The following ZNF12 variants were observed in gnomAD, a reference collection of about 807,000 sequenced individuals.
The protein encoded by ZNF12 is gonadotropin inducible transcription repressor 3.
Under a neutral mutation model 66.6 loss-of-function variants are expected in ZNF12, and 34 were observed. The ratio of observed to expected loss-of-function variants is 0.51; its 90% confidence interval spans 0.39 to 0.68. The LOEUF (loss-of-function observed/expected upper bound fraction) is 0.68, where lower values mean the gene tolerates loss of function less well. Ranked by LOEUF, ZNF12 falls within the 30% of genes least tolerant of loss-of-function variation. ZNF12 has a pLI of 0.00. For synonymous variants in ZNF12, 320 were observed against 278.9 expected, an observed-to-expected ratio of 1.15 and a Z score of -1.47; for missense variants, 697 against 826.9, an observed-to-expected ratio of 0.84 and a Z score of 1.93.
chr7:6,698,219 C>G lies in ZNF12; in HGVS notation c.16-408G>C, dbSNP rs1780182351. On this transcript the variant is annotated intron_variant, in intron 2 of 4. Coordinates refer to ENST00000405858, the MANE Select transcript of ZNF12 (RefSeq NM_016265.4). This position sits in a 1 kb window ranked among gnomAD's most constrained non-coding sequence, Gnocchi z 4.4. ...GGTTCTCTTCTTACCTCCCTGGTCA[C>G]TCCTTCTCAGTCCCTTTGCTGGCTC... 6.6e-6 allele frequency among the ~76,000 whole-genome samples: 1 copy of G among 152,174 alleles called. No homozygotes were observed. The highest frequency in any genetic ancestry group is 2.1e-4 in the South Asian group (1 of 4,826).
At chr7:6,704,620 A>C (rs1447979666) in intron 2 of ZNF12, among the ~76,000 whole-genome samples, 1 of 148,680 alleles carries the variant, frequency 6.7e-6, no homozygotes, top group African/African-American at 2.5e-5. Context: ...GATGCCTGTA[A>C]TCCCAGCTAC....
At chr7:6,706,224 G>A (rs1376986084) in intron 1 of ZNF12, among the ~76,000 whole-genome samples, 1 of 152,178 alleles carries the variant, frequency 6.6e-6, no homozygotes, top group African/African-American at 2.4e-5. Context: ...GGGTGAGGGG[G>A]GAGTGGAGAC....
rs532652790 is a variant in ZNF12, at chr7:6,692,760, G to A, written c.239-57C>T. ...ACATCTTCCTATATATATATGATAT[G>A]GAATGAGATTCATGATTTGTACACA... is the stretch of plus-strand genomic sequence containing the variant. On this transcript the variant is annotated intron_variant, in intron 4 of 4. Coordinates refer to ENST00000405858, the MANE Select transcript of ZNF12 (RefSeq NM_016265.4). The surrounding 1 kb of genome is among the most constrained non-coding windows in gnomAD (Gnocchi z 5.1). 75 of 1,469,052 alleles carry A rather than the reference G, an allele frequency of 5.1e-5. No homozygotes were observed. Among genetic ancestry groups the A allele is most frequent in the Admixed American group, 1.9e-4 (8 of 41,412 alleles). The allele number at this position is 1,469,052 out of a possible 1,614,324, so 91.0% of individuals were successfully genotyped here. A position where few individuals can be genotyped will look rare whatever the true frequency, so the allele number is the denominator to read the frequency against.
At chr7:6,700,429 C>T (rs899814662) in intron 2 of ZNF12, among the ~76,000 whole-genome samples, 3 of 151,598 alleles carry the variant, frequency 2.0e-5, no homozygotes, top group Non-Finnish European at 4.4e-5. Flanking sequence ...TCCTATAGAT[C>T]GTATATATTT....
rs766753538 is a variant in ZNF12, at chr7:6,697,300, C to T, written c.238+39G>A. On this transcript the variant is annotated intron_variant, in intron 4 of 4. Coordinates refer to ENST00000405858, the MANE Select transcript of ZNF12 (RefSeq NM_016265.4). The surrounding 1 kb of genome is among the most constrained non-coding windows in gnomAD (Gnocchi z 6.1). ...TTAAAAAATCCCTGGGAAAAACACTCCCAAGTTACCGATCTCCTCACTGCC... is the reference window on the plus strand; with the variant it reads ...TTAAAAAATCCCTGGGAAAAACACTTCCAAGTTACCGATCTCCTCACTGCC... 3 of 1,517,324 alleles carry T rather than the reference C, an allele frequency of 2.0e-6. No individual in the cohort carries two copies. The allele number at this position is 1,517,324 out of a possible 1,614,324, so 94.0% of individuals were successfully genotyped here.
rs1322942509 is a variant in ZNF12, at chr7:6,697,104, G to A, written c.238+235C>T. Among the ~76,000 whole-genome samples the A allele has an allele frequency of 1.3e-5, 2 of 152,072 alleles. No individual in the cohort carries two copies. The highest frequency in any genetic ancestry group is 4.8e-5 in the African/African-American group (2 of 41,412). Reference sequence around the variant, plus strand: ...CTAGAAGAGCAAGCAAAGACCCAAAGTTTAAGAGAACAACAGAAGTGACTG... The same window carrying A: ...CTAGAAGAGCAAGCAAAGACCCAAAATTTAAGAGAACAACAGAAGTGACTG... On this transcript the variant is annotated intron_variant, in intron 4 of 4. Coordinates refer to ENST00000405858, the MANE Select transcript of ZNF12 (RefSeq NM_016265.4). This position sits in a 1 kb window ranked among gnomAD's most constrained non-coding sequence, Gnocchi z 6.1.
rs201194204 is a variant in ZNF12 at position 6,691,271 on chromosome 7, G to A, written c.1671C>T (p.Phe557=). 2.2e-5 allele frequency: 36 copies of A among 1,613,804 alleles called. No individual in the cohort carries two copies. The highest frequency in any genetic ancestry group is 2.5e-5 in the Non-Finnish European group (30 of 1,179,956). The change falls in exon 5 of 5, where the codon TTC becomes TTT. Residue 557 remains phenylalanine (F), a synonymous_variant. Transcript: ENST00000405858. ...TAGTGAGGTATGACATCTGAGAGAAGAATTTTCCACATATATAGCATTCAT... is the reference window on the plus strand; with the variant it reads ...TAGTGAGGTATGACATCTGAGAGAAAAATTTTCCACATATATAGCATTCAT... ...KPYECYICGK[F]FSQMSYLTIH...
In ZNF12 at chr7:6,690,970, C is replaced by T; in HGVS notation, c.1972G>A (p.Glu658Lys). The T allele has an allele frequency of 1.2e-6, 2 of 1,614,142 alleles. No homozygotes were observed. The highest frequency in any genetic ancestry group is 1.7e-6 in the Non-Finnish European group (2 of 1,179,996). Reference protein sequence around the residue: ...LTVHYRTHSGEKPYECTECGK... With the variant: ...LTVHYRTHSGKKPYECTECGK... ...CATTCAGTACACTCATAGGGTTTCT[C>T]TCCTGAATGAGTTCTATAATGTACA... Residue 658 changes from glutamate to lysine, a missense_variant, in exon 5 of 5, where the codon GAG (glutamate) becomes AAG (lysine). Coordinates refer to ENST00000405858, the MANE Select transcript of ZNF12 (RefSeq NM_016265.4).
In ZNF12 at chr7:6,692,136, T is replaced by C. The variant is rs759728914; in HGVS notation, c.806A>G (p.Tyr269Cys). Residue 269 changes from tyrosine to cysteine, a missense_variant, in exon 5 of 5, where the codon TAT (tyrosine) becomes TGT (cysteine). Transcript: ENST00000405858. This position sits in a 1 kb window ranked among gnomAD's most constrained non-coding sequence, Gnocchi z 5.1. ...HQTSHMEMKP[Y>C]ECSECGKSFC... Reference sequence around the variant, plus strand: ...GGATTTCCCACATTCACTGCATTCATAGGGCTTCATTTCCATATGAGATGT... The same window carrying C: ...GGATTTCCCACATTCACTGCATTCACAGGGCTTCATTTCCATATGAGATGT... 5 of 1,614,054 alleles carry C rather than the reference T, an allele frequency of 3.1e-6. No homozygotes were observed. Among genetic ancestry groups the C allele is most frequent in the Admixed American group, 1.7e-5 (1 of 60,006 alleles).
At position 6,694,142 on chromosome 7, in the gene ZNF12, G is replaced by C. The variant is rs540752703; in HGVS notation, c.239-1439C>G. On this transcript the variant is annotated intron_variant, in intron 4 of 4. Coordinates refer to ENST00000405858, the MANE Select transcript of ZNF12 (RefSeq NM_016265.4). ...AGATTGTGTCACTGCACCCCAGCCT[G>C]GGTGACAGAGTGAGAATCTGTCTCA... 4.1e-5 allele frequency among the ~76,000 whole-genome samples: 6 copies of C among 145,246 alleles called. No individual in the cohort carries two copies. In the South Asian group the frequency reaches 1.1e-3, roughly 26 times the overall value.
At position 6,696,258 on chromosome 7, in the gene ZNF12, A is replaced by G. The variant is rs1009278815; in HGVS notation, c.238+1081T>C. Among the ~76,000 whole-genome samples, 1 of 152,260 alleles carries G rather than the reference A, an allele frequency of 6.6e-6. No homozygotes were observed. On this transcript the variant is annotated intron_variant, in intron 4 of 4. Coordinates refer to ENST00000405858, the MANE Select transcript of ZNF12 (RefSeq NM_016265.4). This position sits in a 1 kb window ranked among gnomAD's most constrained non-coding sequence, Gnocchi z 4.0. ...CACACTGGACAAAATCCAGTAATCC[A>G]GAGAGATCAGTAATATCTGATGAGA...
In ZNF12 at chr7:6,697,516, T is replaced by A; in HGVS notation, c.143-82A>T. 3.3e-6 allele frequency: 5 copies of A among 1,533,212 alleles called. No individual in the cohort carries two copies. Among genetic ancestry groups the A allele is most frequent in the Non-Finnish European group, 4.5e-6 (5 of 1,122,610 alleles). The allele number at this position is 1,533,212 out of a possible 1,614,324, so 95.0% of individuals were successfully genotyped here. Reference sequence around the variant, plus strand: ...TGTCATACAGGGAAAATTCCATTTGTGTCTTATCAAAATCAGAACTTTTCA... The same window carrying A: ...TGTCATACAGGGAAAATTCCATTTGAGTCTTATCAAAATCAGAACTTTTCA... On this transcript the variant is annotated intron_variant, in intron 3 of 4. Coordinates refer to ENST00000405858, the MANE Select transcript of ZNF12 (RefSeq NM_016265.4). This position sits in a 1 kb window ranked among gnomAD's most constrained non-coding sequence, Gnocchi z 6.1.
At chr7:6,703,658 G>C (rs1357258193) in intron 2 of ZNF12, among the ~76,000 whole-genome samples, 2 of 152,202 alleles carry the variant, frequency 1.3e-5, no homozygotes, top group African/African-American at 4.8e-5. Flanking sequence ...TAAGCAGGTG[G>C]CTGGACAGTT....
rs377061236 is a variant in ZNF12 at position 6,689,932 on chromosome 7, T to G, written c.*916A>C. 2.6e-5 allele frequency: 4 copies of G among 152,410 alleles called. No individual in the cohort carries two copies. Among genetic ancestry groups the G allele is most frequent in the East Asian group, 3.8e-4 (2 of 5,196 alleles). The allele number at this position is 152,410 out of a possible 1,614,324, so 9.4% of individuals were successfully genotyped here. ...TAGATACAAATGGGAATATTTTAAG[T>G]ATATCTTAAAACTGTATAGAGTGCA... On this transcript the variant is annotated 3_prime_UTR_variant, in exon 5 of 5. Coordinates refer to ENST00000405858, the MANE Select transcript of ZNF12 (RefSeq NM_016265.4).
At position 6,696,769 on chromosome 7, in the gene ZNF12, G is replaced by A. The variant is rs1432995537; in HGVS notation, c.238+570C>T. On this transcript the variant is annotated intron_variant, in intron 4 of 4. Transcript: ENST00000405858. This position sits in a 1 kb window ranked among gnomAD's most constrained non-coding sequence, Gnocchi z 4.0. ...CATTTGGTTAAAGAGGGAGACCCAGGTACTGCAGTCACCAAATTTCAGGAG... is the reference window on the plus strand; with the variant it reads ...CATTTGGTTAAAGAGGGAGACCCAGATACTGCAGTCACCAAATTTCAGGAG... 4.6e-5 allele frequency among the ~76,000 whole-genome samples: 7 copies of A among 152,090 alleles called. No homozygotes were observed. The highest frequency in any genetic ancestry group is 1.7e-4 in the African/African-American group (7 of 41,422).
chr7:6,701,211 G>A (rs1265023789), intron 2 of ZNF12, among the ~76,000 whole-genome samples: 1 of 152,122 alleles, frequency 6.6e-6, no homozygotes, highest in Non-Finnish European at 1.5e-5. Context: ...TGACCAGAAC[G>A]ACTCCCATGA....
chr7:6,689,896 AG>A lies in ZNF12; in HGVS notation c.*951del, dbSNP rs1230720137. The A allele has an allele frequency of 3.3e-5, 5 of 152,500 alleles. No homozygotes were observed. The highest frequency in any genetic ancestry group is 3.3e-4 in the Admixed American group (5 of 15,288). The allele number at this position is 152,500 out of a possible 1,614,324, so 9.4% of individuals were successfully genotyped here. On this transcript the variant is annotated 3_prime_UTR_variant, in exon 5 of 5. Transcript: ENST00000405858. The stretch of plus-strand genomic sequence containing the variant: ...TGTAAGTGTCCAAATAAAAAACAGT[AG>A]AAAAAAAAATAGATACAAATGGGAA...
chr7:6,691,843 G>A lies in ZNF12; in HGVS notation c.1099C>T (p.His367Tyr). 4 of 1,613,948 alleles carry A rather than the reference G, an allele frequency of 2.5e-6. No homozygotes were observed. Among genetic ancestry groups the A allele is most frequent in the Non-Finnish European group, 3.4e-6 (4 of 1,179,936 alleles). Reference protein sequence around the residue: ...YCGKSFCQKTHLTQHQRTHSG... With the variant: ...YCGKSFCQKTYLTQHQRTHSG... ...TGTGTTCTCTGATGTTGTGTGAGGT[G>A]TGTCTTCTGGCAAAAGGATTTTCCA... The change falls in exon 5 of 5, where the codon CAC becomes TAC. Residue 367 changes from histidine to tyrosine, a missense_variant. Around this residue, in one of 3 missense-constraint regions of ZNF12, gnomAD observed 401 missense variants for 519.0 expected, o/e 0.77. Coordinates refer to ENST00000405858, the MANE Select transcript of ZNF12 (RefSeq NM_016265.4).
At chr7:6,694,458 T>C (rs1418617452) in intron 4 of ZNF12, among the ~76,000 whole-genome samples, 3 of 152,200 alleles carry the variant, frequency 2.0e-5, no homozygotes, top group Non-Finnish European at 4.4e-5. Flanking sequence ...GACAGTCATC[T>C]AACAAAAATA....
Sources: allele counts gnomAD v4.1 joint callset (sites outside exome capture counted in the v4.1 genomes callset), GRCh38; gene constraint gnomAD v4.1.1; regional missense constraint gnomAD v4.1.1; non-coding constraint Gnocchi (gnomAD v3.1); transcripts MANE v1.5; gene names NCBI Gene and HGNC (gene_info 2026-07-23, HGNC 2026-07-21).